ODF2: variants seen among roughly 807,000 people sequenced by gnomAD.
The protein encoded by ODF2 is outer dense fiber of sperm tails 2.
Under a neutral mutation model 110.2 loss-of-function variants are expected in ODF2, and 47 were observed. That is an observed-to-expected ratio of 0.43 (90% CI 0.34 to 0.54). The LOEUF (loss-of-function observed/expected upper bound fraction) is 0.54. ODF2 is among the 20% of genes least tolerant of loss of function. The pLI, the probability that ODF2 is intolerant of heterozygous loss-of-function variation, is 0.03. For missense variants in ODF2, 812 were observed against 1,054.5 expected, an observed-to-expected ratio of 0.77 and a Z score of 3.19; for synonymous variants, 352 against 397.7, an observed-to-expected ratio of 0.89 and a Z score of 1.37.
intron 13 of ODF2, among the ~76,000 whole-genome samples, chr9:128,486,221 G>A (rs1843327217): frequency 6.6e-6 from 1 of 152,076 alleles, no homozygotes; most frequent in Non-Finnish European, 1.5e-5. Flanking sequence ...TAATCTCCCA[G>A]GTCAGGAAAG....
Position 128,471,386 on chromosome 9 carries a change from C to T in ODF2, c.499C>T (p.His167Tyr). Residue 167 changes from histidine (H) to tyrosine (Y), a missense_variant, in exon 6 of 21, where the codon CAC becomes TAC. Physicochemically the swap from His to Tyr is moderately conservative, Grantham distance 83. This residue lies in a region of ODF2 where 219 missense variants were observed against 321.3 expected (regional missense o/e 0.68). Transcript: ENST00000604420. ...GAAGGAAGAGCTGGAGGAGGTGGCCCACGAACTGGCTGAGACTGAGCACGA... is the reference window on the plus strand; with the variant it reads ...GAAGGAAGAGCTGGAGGAGGTGGCCTACGAACTGGCTGAGACTGAGCACGA... 6.2e-7 allele frequency: 1 copy of T among 1,613,294 alleles called. No individual in the cohort carries two copies. The highest frequency in any genetic ancestry group is 8.5e-7 in the Non-Finnish European group (1 of 1,179,710).
At chr9:128,456,787 G>A (rs1588663702) in intron 1 of ODF2, 2 of 885,164 alleles carry the variant, frequency 2.3e-6, no homozygotes, top group Non-Finnish European at 3.2e-6. Flanking sequence ...CCCCCTCCCA[G>A]CCCGGCGTCT....
exon 21 of ODF2, chr9:128,500,093 G>T (rs1335306984): frequency 1.2e-6 from 2 of 1,614,248 alleles, no homozygotes. Flanking sequence ...AGAGCCGGCT[G>T]CAAGACCTGA....
In ODF2 at chr9:128,469,502, G is replaced by T. The variant is rs1387416914; in HGVS notation, c.420+149G>T. 1.3e-5 allele frequency: 10 copies of T among 744,878 alleles called. No individual in the cohort carries two copies. In the South Asian group the frequency reaches 1.5e-4, roughly 11 times the overall value. 46.1% of individuals were successfully genotyped at this position (744,878 alleles called of 1,614,324 possible). ...CCCGGGCTTCAGTTGCCTGCCCCGG[G>T]AGGTAGCTGGGGCAGCATGGGATCC... On this transcript the variant is annotated intron_variant, in intron 5 of 20. Transcript: ENST00000604420.
intron 1 of ODF2, 191 bp downstream of exon 1, chr9:128,456,446 T>A: frequency 6.6e-7 from 1 of 1,515,804 alleles, no homozygotes; most frequent in Non-Finnish European, 8.8e-7. Flanking sequence ...CCTCTCCTCC[T>A]CCCGCTAACG....
In ODF2 at chr9:128,495,995, A is replaced by G. The variant is rs1845503867; in HGVS notation, c.1912-46A>G. ...GGTCATAGGGAAAGGGGAGGGCTCT[A>G]GCGGGAAATTCCTTTGTAAACCAGT... On this transcript the variant is annotated intron_variant, in intron 17 of 20. Transcript: ENST00000604420. The G allele has an allele frequency of 2.5e-6, 4 of 1,608,886 alleles. No homozygotes were observed. In the Admixed American group the frequency reaches 6.7e-5, roughly 27 times the overall value.
At chr9:128,486,321 TC>T (rs1209329534) in intron 13 of ODF2, among the ~76,000 whole-genome samples, 1 of 152,184 alleles carries the variant, frequency 6.6e-6, no homozygotes, top group Non-Finnish European at 1.5e-5. Flanking sequence ...CTTAGGGAGT[TC>T]TCTGTCTAGT....
At chr9:128,495,948 C>A in intron 17 of ODF2, 93 bp from the exon 18 acceptor site, 1 of 1,476,522 alleles carries the variant, frequency 6.8e-7, no homozygotes, top group South Asian at 1.2e-5. Flanking sequence ...GCACTGTGCC[C>A]CTTTCCTGGG....
At chr9:128,497,099 C>T (rs906827510) in intron 18 of ODF2, among the ~76,000 whole-genome samples, 6 of 151,920 alleles carry the variant, frequency 3.9e-5, no homozygotes, top group African/African-American at 1.5e-4. Context: ...TAGCATGTTA[C>T]CTGGCATAGA....
intron 13 of ODF2, among the ~76,000 whole-genome samples, chr9:128,486,821 C>T (rs965164122): frequency 6.6e-6 from 1 of 152,202 alleles, no homozygotes; most frequent in African/African-American, 2.4e-5. Context: ...GCACCAGCCC[C>T]CTGCTGGGGG....
exon 6 of ODF2, chr9:128,471,430 C>G (rs755487146): frequency 6.2e-7 from 1 of 1,613,478 alleles, no homozygotes; most frequent in South Asian, 1.1e-5. Context: ...TGTTGAGGCA[C>G]AACATCGAGC....
chr9:128,492,667 A>G (rs1156979778), intron 15 of ODF2, 34 bp from the exon 16 acceptor site: 3 of 1,595,240 alleles, frequency 1.9e-6, no homozygotes, highest in Middle Eastern at 1.7e-4. Context: ...ACGTGGCTCT[A>G]CCTAAGATGA....
chr9:128,465,636 G>T (rs1227978440), intron 4 of ODF2, among the ~76,000 whole-genome samples: 1 of 151,998 alleles, frequency 6.6e-6, no homozygotes, highest in Non-Finnish European at 1.5e-5. Flanking sequence ...AGCCATTTGG[G>T]AGGCTGAGGC....
intron 1 of ODF2, chr9:128,456,649 G>T: frequency 6.8e-7 from 1 of 1,479,594 alleles, no homozygotes; most frequent in Non-Finnish European, 8.9e-7. Context: ...GCATCGCCCC[G>T]ACCGCCTCGT....
At chr9:128,498,838 A>G (rs917362799) in intron 19 of ODF2, among the ~76,000 whole-genome samples, 163 bp from the exon 20 acceptor site, 1 of 152,218 alleles carries the variant, frequency 6.6e-6, no homozygotes, top group Admixed American at 6.5e-5. Flanking sequence ...GGTGGCAGGC[A>G]TAGTCCCCAT....
intron 8 of ODF2, among the ~76,000 whole-genome samples, chr9:128,480,206 A>T (rs1842141246): frequency 6.6e-6 from 1 of 152,238 alleles, no homozygotes; most frequent in South Asian, 2.1e-4. Flanking sequence ...TAATAATGGA[A>T]TATACCAAAG....
chr9:128,472,841 G>T (rs1462633536), intron 6 of ODF2, 72 bp from the exon 7 acceptor site: 6 of 1,602,922 alleles, frequency 3.7e-6, no homozygotes, highest in Non-Finnish European at 5.1e-6. Context: ...CTAGGGCATT[G>T]TGAGGCAAGC....
intron 4 of ODF2, among the ~76,000 whole-genome samples, chr9:128,462,793 C>T (rs891638282): frequency 6.6e-6 from 1 of 151,734 alleles, no homozygotes; most frequent in African/African-American, 2.4e-5. Context: ...CGGGGTTTCA[C>T]CGTGTTAGCC....
At chr9:128,456,052 G>T, upstream of ODF2, 2 of 1,503,210 alleles carry the variant, frequency 1.3e-6, no homozygotes, top group Non-Finnish European at 8.9e-7. Context: ...GGCCTCGATG[G>T]CGAAACCCAA....
Sources: gnomAD v4.1 joint callset for allele counts (sites outside exome capture counted in the v4.1 genomes callset) on GRCh38, gnomAD v4.1.1 for gene constraint, gnomAD v4.1.1 regional missense constraint, MANE v1.5 for transcripts, NCBI Gene and HGNC (gene_info 2026-07-23, HGNC 2026-07-21) for gene names.